MGAM: variants seen among roughly 807,000 people sequenced by gnomAD.
MGAM encodes the protein alpha-1,4-glucosidase.
MGAM carries 253 observed loss-of-function variants against 358.8 expected under a neutral mutation model. That is an observed-to-expected ratio of 0.71 (90% CI 0.64 to 0.78). The LOEUF (loss-of-function observed/expected upper bound fraction) is 0.78. MGAM is among the 30% of genes least tolerant of loss of function. The pLI is 0.00. For synonymous variants in MGAM, 1,105 were observed against 1,227.1 expected (o/e 0.90, Z 2.08); for missense variants, 3,080 against 3,432.6 (o/e 0.90, Z 2.57).
Position 142,044,092 on chromosome 7 carries a change from G to A in MGAM, c.2498+3246G>A, listed in dbSNP as rs1156578068. Among the ~76,000 whole-genome samples, 3 of 131,060 alleles carry A rather than the reference G, an allele frequency of 2.3e-5. 1 individual carries two copies. Among genetic ancestry groups the A allele is most frequent in the Non-Finnish European group, 4.8e-5 (3 of 63,104 alleles). The allele number at this position is 131,060 out of a possible 152,430, so 86.0% of individuals were successfully genotyped here. On this transcript the variant is annotated intron_variant, in intron 21 of 70. Coordinates refer to ENST00000475668, the MANE Select transcript of MGAM (RefSeq NM_001365693.1). ...CGTATAATACATTATATACACATAC[G>A]ACGTATAATATATACATTATATACA...
Position 142,027,170 on chromosome 7 carries a change from C to T in MGAM, c.1038C>T (p.Leu346=), listed in dbSNP as rs368638022. The change falls in exon 9 of 71, where the codon CTC becomes CTT. Residue 346 remains leucine (L), a synonymous_variant. Transcript: ENST00000475668. ...CTTACCGCACCATTGGGGGCATTCT[C>T]GACTTCTATGTGTTCTTGGGAAACA... ...AITYRTIGGI[L]DFYVFLGNTP... 1.5e-5 allele frequency: 25 copies of T among 1,613,636 alleles called. No individual in the cohort carries two copies. The highest frequency in any genetic ancestry group is 6.7e-5 in the Admixed American group (4 of 59,986).
In MGAM at chr7:142,031,752, G is replaced by T; in HGVS notation, c.1543G>T (p.Glu515Ter). 1 of 1,613,048 alleles carries T rather than the reference G, an allele frequency of 6.2e-7. No homozygotes were observed. Among genetic ancestry groups the T allele is most frequent in the Non-Finnish European group, 8.5e-7 (1 of 1,179,180 alleles). ...NCAVWWTKEF[E>*]LFHNQVEFDG... is the part of the protein sequence containing the mutation. ...TGCTGTTTGGTGGACAAAGGAATTTGAGCTTTTTCACAATCAAGTAGAGTT... is the reference window on the plus strand; with the variant it reads ...TGCTGTTTGGTGGACAAAGGAATTTTAGCTTTTTCACAATCAAGTAGAGTT... Residue 515 changes from glutamate (E) to a stop codon, truncating the protein, a stop_gained, in exon 13 of 71, where the codon GAG becomes TAG. Coordinates refer to ENST00000475668, the MANE Select transcript of MGAM (RefSeq NM_001365693.1). LOFTEE classifies it high-confidence loss of function.
intron 1 of MGAM, among the ~76,000 whole-genome samples, chr7:142,004,893 G>A (rs554583314): frequency 6.6e-6 from 1 of 152,130 alleles, no homozygotes; most frequent in East Asian, 1.9e-4. Context: ...CCTGGAAGAT[G>A]CTATATCATC....
At chr7:142,075,255 A>T (rs1813644752) in intron 45 of MGAM, among the ~76,000 whole-genome samples, 1 of 146,506 alleles carries the variant, frequency 6.8e-6, no homozygotes. Context: ...ACTGATAGAC[A>T]CTTAGGTTGT....
Position 142,022,326 on chromosome 7 carries a change from C to A in MGAM, c.769C>A (p.Arg257=). The change falls in exon 7 of 71, where the codon CGA becomes AGA. Residue 257 remains arginine, a synonymous_variant. Coordinates refer to ENST00000475668, the MANE Select transcript of MGAM (RefSeq NM_001365693.1). ...FADQFLQLST[R]LPSTNVYGLG... ...TGACCAGTTCTTGCAGCTCTCCACTCGACTGCCTAGCACTAACGTGTATGG... is the reference window on the plus strand; with the variant it reads ...TGACCAGTTCTTGCAGCTCTCCACTAGACTGCCTAGCACTAACGTGTATGG... 2.5e-6 allele frequency: 4 copies of A among 1,613,252 alleles called. No homozygotes were observed. Among genetic ancestry groups the A allele is most frequent in the Non-Finnish European group, 3.4e-6 (4 of 1,179,426 alleles).
chr7:142,020,915 G>A, intron 4 of MGAM, 59 bp from the exon 5 acceptor site: 1 of 1,164,536 alleles, frequency 8.6e-7, no homozygotes, highest in South Asian at 1.3e-5. Context: ...TTTTTATGTA[G>A]CTATTATTTG....
rs190582344 is a variant in MGAM at position 142,002,537 on chromosome 7, A to G, written c.-2-2992A>G. ...AAATCCAGCATTCCTTCATAAAAAA[A>G]AACCCTTAAAAACCTTGGCGTAGGG... On this transcript the variant is annotated intron_variant, in intron 1 of 70. Coordinates refer to ENST00000475668, the MANE Select transcript of MGAM (RefSeq NM_001365693.1). Among the ~76,000 whole-genome samples, 218 of 152,252 alleles carry G rather than the reference A, an allele frequency of 1.4e-3. 1 individual carries two copies. The highest frequency in any genetic ancestry group is 0.014 in the Middle Eastern group (4 of 294).
chr7:142,054,093 A>G lies in MGAM; in HGVS notation c.3160-661A>G, dbSNP rs369445869. 1.6e-4 allele frequency among the ~76,000 whole-genome samples: 24 copies of G among 152,216 alleles called. No individual in the cohort carries two copies. In the South Asian group the frequency reaches 5.0e-3, roughly 32 times the overall value. Reference sequence around the variant, plus strand: ...CCAAGCTTTTAATATTCTAGACTGTATTTCTCCCGTGAGACCGTCTCAGTC... The same window carrying G: ...CCAAGCTTTTAATATTCTAGACTGTGTTTCTCCCGTGAGACCGTCTCAGTC... On this transcript the variant is annotated intron_variant, in intron 26 of 70. Coordinates refer to ENST00000475668, the MANE Select transcript of MGAM (RefSeq NM_001365693.1).
Position 142,106,184 on chromosome 7 carries a change from A to G in MGAM, c.*293A>G. 4.3e-6 allele frequency: 1 copy of G among 234,992 alleles called. No homozygotes were observed. The highest frequency in any genetic ancestry group is 9.6e-5 in the East Asian group (1 of 10,398). The allele number at this position is 234,992 out of a possible 1,614,324, so 14.6% of individuals were successfully genotyped here. The stretch of plus-strand genomic sequence containing the variant: ...TTACTGAAGATGAACTGGGTCCATG[A>G]TGAAGTGTGTGTATGTCCACGTTTG... On this transcript the variant is annotated 3_prime_UTR_variant, in exon 71 of 71. Coordinates refer to ENST00000475668, the MANE Select transcript of MGAM (RefSeq NM_001365693.1).
intron 21 of MGAM, among the ~76,000 whole-genome samples, chr7:142,041,410 AC>A (rs1808523277): frequency 6.6e-6 from 1 of 152,006 alleles, no homozygotes; most frequent in African/African-American, 2.4e-5. Context: ...CAAGTTGTAG[AC>A]TTTTTATGAT....
chr7:142,015,783 T>TA (rs1280159072), intron 3 of MGAM, among the ~76,000 whole-genome samples: 2 of 152,124 alleles, frequency 1.3e-5, no homozygotes, highest in African/African-American at 2.4e-5. Flanking sequence ...TTTAGTAAGA[T>TA]ACTTGTTGTA....
chr7:141,992,582 T>A (rs1803995094), upstream of MGAM, among the ~76,000 whole-genome samples: 1 of 152,026 alleles, frequency 6.6e-6, no homozygotes, highest in Admixed American at 6.6e-5. Context: ...GGTCTTGTTT[T>A]TATTTATTTA....
chr7:142,016,130 A>G (rs1554456060), intron 3 of MGAM, among the ~76,000 whole-genome samples: 1 of 152,114 alleles, frequency 6.6e-6, no homozygotes, highest in Non-Finnish European at 1.5e-5. Context: ...GACATAAAGT[A>G]CTTTCTTTGT....
intron 49 of MGAM, among the ~76,000 whole-genome samples, 172 bp from the exon 50 acceptor site, chr7:142,080,619 A>AT (rs963423524): frequency 4.1e-5 from 6 of 146,370 alleles, no homozygotes; most frequent in African/African-American, 1.5e-4. Flanking sequence ...ACAGACAAAC[A>AT]TATTAAATCT....
chr7:142,041,982 A>AT (rs1210943951), intron 21 of MGAM, among the ~76,000 whole-genome samples: 3 of 13,148 alleles, frequency 2.3e-4, no homozygotes, highest in Non-Finnish European at 2.8e-4. Context: ...ATATATATAT[A>AT]ATATAATATA....
At chr7:142,054,690 T>G (rs1394716634) in intron 26 of MGAM, 64 bp from the exon 27 acceptor site, 2 of 1,522,796 alleles carry the variant, frequency 1.3e-6, no homozygotes, top group Non-Finnish European at 8.8e-7. Flanking sequence ...ATCAAAAAGG[T>G]TCTGCTAAGG....
chr7:142,033,801 G>A (rs1807725203), intron 14 of MGAM, among the ~76,000 whole-genome samples: 1 of 152,190 alleles, frequency 6.6e-6, no homozygotes, highest in Admixed American at 6.5e-5. Flanking sequence ...CACAGATAAT[G>A]TGGATCTCAA....
intron 53 of MGAM, among the ~76,000 whole-genome samples, chr7:142,083,708 TA>T (rs1814520265): frequency 7.0e-6 from 1 of 143,520 alleles, no homozygotes; most frequent in Admixed American, 7.0e-5. Flanking sequence ...ATGATGGTGG[TA>T]GGGGATGATG....
At chr7:142,070,615 C>T (rs1416943586) in intron 43 of MGAM, among the ~76,000 whole-genome samples, 3 of 145,574 alleles carry the variant, frequency 2.1e-5, no homozygotes, top group Non-Finnish European at 3.1e-5. Context: ...ATAGCCCCAT[C>T]GCCAGAGAAT....
Sources: allele counts gnomAD v4.1 joint callset (sites outside exome capture counted in the v4.1 genomes callset), GRCh38; gene constraint gnomAD v4.1.1; transcripts MANE v1.5; gene names NCBI Gene and HGNC (gene_info 2026-07-23, HGNC 2026-07-21).